PTPRZ1: variants seen among roughly 807,000 people sequenced by gnomAD.
PTPRZ1 encodes protein tyrosine phosphatase receptor type Z1.
In PTPRZ1, 82 loss-of-function variants were observed where a neutral mutation model predicts 214.1. That is an observed-to-expected ratio of 0.38 (90% CI 0.32 to 0.46). The LOEUF is 0.46. Among genes scored for constraint, PTPRZ1 ranks in the 20% least tolerant of loss-of-function variants. The pLI is 1.00. For synonymous variants in PTPRZ1, 945 were observed against 987.9 expected, an observed-to-expected ratio of 0.96 and a Z score of 0.81; for missense variants, 2,603 against 2,748.7, an observed-to-expected ratio of 0.95 and a Z score of 1.19.
chr7:121,929,463 T>C (rs908882653), intron 2 of PTPRZ1, among the ~76,000 whole-genome samples: 33 of 151,418 alleles, frequency 2.2e-4, no homozygotes, highest in African/African-American at 7.5e-4. Context: ...TTTTTATTAC[T>C]TCTGTGCTAT....
At chr7:121,929,843 T>C (rs1306487665) in intron 2 of PTPRZ1, among the ~76,000 whole-genome samples, 4 of 150,694 alleles carry the variant, frequency 2.7e-5, no homozygotes, top group African/African-American at 9.7e-5. Context: ...AATAAATAAA[T>C]AAATAAATAA....
chr7:122,011,964 A>C lies in PTPRZ1; in HGVS notation c.2918A>C (p.Lys973Thr). The stretch of plus-strand genomic sequence containing the variant: ...GGCCCTAGCCATATACCAATACCTA[A>C]GTCTTCGTTAATAACCCCAACTGCA... ...FSGPSHIPIP[K>T]SSLITPTASL... The change falls in exon 12 of 30, where the codon AAG (lysine) becomes ACG (threonine). Residue 973 changes from lysine to threonine, a missense_variant. By Grantham distance (78) the Lys-to-Thr change is moderately conservative. Coordinates refer to ENST00000393386, the MANE Select transcript of PTPRZ1 (RefSeq NM_002851.3). 2 of 1,614,152 alleles carry C rather than the reference A, an allele frequency of 1.2e-6. No individual in the cohort carries two copies. Among genetic ancestry groups the C allele is most frequent in the Non-Finnish European group, 1.7e-6 (2 of 1,179,996 alleles).
Position 122,010,742 on chromosome 7 carries a change from A to C in PTPRZ1, c.1696A>C (p.Thr566Pro). 1 of 1,613,996 alleles carries C rather than the reference A, an allele frequency of 6.2e-7. No individual in the cohort carries two copies. The highest frequency in any genetic ancestry group is 8.5e-7 in the Non-Finnish European group (1 of 1,179,976). Residue 566 changes from threonine to proline, a missense_variant, in exon 12 of 30, where the codon ACA (threonine) becomes CCA (proline). Transcript: ENST00000393386. The part of the protein sequence containing the change: ...TAESLNTVSI[T>P]EYEEESLLTS... ...AGAATCCTTAAATACAGTTTCTATA[A>C]CAGAATATGAGGAGGAGAGTTTATT...
intron 18 of PTPRZ1, 36 bp downstream of exon 18, chr7:122,036,718 A>C: frequency 7.1e-7 from 1 of 1,399,134 alleles, no homozygotes; most frequent in Non-Finnish European, 1.0e-6. Context: ...TATAGAAATC[A>C]TATTAGACTG....
Position 122,004,669 on chromosome 7 carries a change from G to A in PTPRZ1, c.1287+9G>A. The stretch of plus-strand genomic sequence containing the variant: ...CTGAAGAAATAATCAAGGTATCATA[G>A]CCATTTTTATATTCAAATGTTTTAA... On this transcript the variant is annotated intron_variant, in intron 11 of 29. Coordinates refer to ENST00000393386, the MANE Select transcript of PTPRZ1 (RefSeq NM_002851.3). The A allele has an allele frequency of 1.5e-6, 2 of 1,339,822 alleles. No individual in the cohort carries two copies. The highest frequency in any genetic ancestry group is 2.1e-6 in the Non-Finnish European group (2 of 959,888). The allele number at this position is 1,339,822 out of a possible 1,614,324, so 83.0% of individuals were successfully genotyped here.
intron 22 of PTPRZ1, among the ~76,000 whole-genome samples, chr7:122,043,451 A>G (rs1293424366): frequency 5.9e-5 from 9 of 152,202 alleles, no homozygotes; most frequent in Admixed American, 5.2e-4. Flanking sequence ...ATCCATTTTA[A>G]GCCCATATAG....
At position 122,042,761 on chromosome 7, in the gene PTPRZ1, A is replaced by G; in HGVS notation, c.5937+18A>G. On this transcript the variant is annotated intron_variant, in intron 22 of 29. Transcript: ENST00000393386. ...AAACTGAGGTATGATTTTTAAAAAG[A>G]TGATTTTATTCATCTAAGGTATGGA... The G allele has an allele frequency of 6.2e-7, 1 of 1,601,998 alleles. No homozygotes were observed. Among genetic ancestry groups the G allele is most frequent in the South Asian group, 1.1e-5 (1 of 90,654 alleles).
intron 19 of PTPRZ1, 96 bp downstream of exon 19, chr7:122,038,985 T>A (rs1799633358): frequency 7.6e-7 from 1 of 1,314,576 alleles, no homozygotes; most frequent in Non-Finnish European, 1.1e-6. Context: ...AGCCAAAGTT[T>A]TGAGAGTTAT....
rs551562354 is a variant in PTPRZ1, at chr7:121,907,983, G to C, written c.59-20173G>C. The stretch of plus-strand genomic sequence containing the variant: ...AACTGCAAAATAATAATCAAATTTA[G>C]ATATTCAGACTCTGAGTAGAGAATG... On this transcript the variant is annotated intron_variant, in intron 1 of 29. Coordinates refer to ENST00000393386, the MANE Select transcript of PTPRZ1 (RefSeq NM_002851.3). Among the ~76,000 whole-genome samples, 27 of 152,078 alleles carry C rather than the reference G, an allele frequency of 1.8e-4. 1 individual carries two copies. In the East Asian group the frequency reaches 4.1e-3, roughly 23 times the overall value.
In PTPRZ1 at chr7:122,054,925, A is replaced by G. The variant is rs1792302882; in HGVS notation, c.6382-16A>G. The G allele has an allele frequency of 1.9e-6, 3 of 1,576,636 alleles. No homozygotes were observed. The African/African-American group carries it at 4.2e-5, about 22-fold the overall frequency. On this transcript the variant is annotated splice_polypyrimidine_tract_variant and intron_variant, in intron 26 of 29. Coordinates refer to ENST00000393386, the MANE Select transcript of PTPRZ1 (RefSeq NM_002851.3). The stretch of plus-strand genomic sequence containing the variant: ...TTATTAAAATCTAGACTCTTCTTTC[A>G]TTTGCAATTCTGCAGGCAGAAGATG...
rs74481756 is a variant in PTPRZ1 at position 122,051,207 on chromosome 7, T to A, written c.6085-221T>A. ...TGCTAAAAGAATTACTAGAGATTTC[T>A]TTGCTTCTTGTAACTCCCCTGGTGT... On this transcript the variant is annotated intron_variant, in intron 23 of 29. Coordinates refer to ENST00000393386, the MANE Select transcript of PTPRZ1 (RefSeq NM_002851.3). Among the ~76,000 whole-genome samples, 162 of 152,336 alleles carry A rather than the reference T, an allele frequency of 1.1e-3. 5 individuals are homozygous for A. In the East Asian group the frequency reaches 0.03, roughly 28 times the overall value.
Position 121,873,342 on chromosome 7 carries a change from A to T in PTPRZ1, c.-158A>T. The T allele has an allele frequency of 4.6e-6, 3 of 655,600 alleles. No homozygotes were observed. The highest frequency in any genetic ancestry group is 8.1e-6 in the Non-Finnish European group (3 of 371,090). The allele number at this position is 655,600 out of a possible 1,614,324, so 40.6% of individuals were successfully genotyped here. On this transcript the variant is annotated 5_prime_UTR_variant, in exon 1 of 30. Transcript: ENST00000393386. ...CTCTCTCTCTCTCACACACACACACACACACACAAACACACATACGCACGC... is the reference window on the plus strand; with the variant it reads ...CTCTCTCTCTCTCACACACACACACTCACACACAAACACACATACGCACGC...
At chr7:121,904,889 G>A (rs1360165769) in intron 1 of PTPRZ1, among the ~76,000 whole-genome samples, 5 of 152,010 alleles carry the variant, frequency 3.3e-5, no homozygotes, top group Admixed American at 1.3e-4. Flanking sequence ...AATGATATTA[G>A]GTAATCTACA....
chr7:121,920,873 A>G, intron 1 of PTPRZ1, among the ~76,000 whole-genome samples: 1 of 152,134 alleles, frequency 6.6e-6, no homozygotes, highest in Non-Finnish European at 1.5e-5. Context: ...TATTTATTAA[A>G]TTGAGAATAT....
intron 2 of PTPRZ1, among the ~76,000 whole-genome samples, chr7:121,965,642 G>C (rs188460479): frequency 6.6e-6 from 1 of 152,268 alleles, no homozygotes; most frequent in East Asian, 1.9e-4. Flanking sequence ...AATCAAGGAA[G>C]CGACTCTCTC....
intron 1 of PTPRZ1, among the ~76,000 whole-genome samples, chr7:121,884,081 C>A (rs1384335312): frequency 1.3e-5 from 2 of 149,454 alleles, no homozygotes; most frequent in South Asian, 4.3e-4. Flanking sequence ...CATATTTTTT[C>A]CTTATGTAAT....
intron 1 of PTPRZ1, among the ~76,000 whole-genome samples, chr7:121,911,754 T>A (rs1584630003): frequency 7.3e-6 from 1 of 137,802 alleles, no homozygotes; most frequent in South Asian, 2.5e-4. Flanking sequence ...TATAAGAAAA[T>A]GCATTATATT....
chr7:122,002,738 G>A (rs962585447), intron 10 of PTPRZ1, among the ~76,000 whole-genome samples: 1 of 152,024 alleles, frequency 6.6e-6, no homozygotes, highest in Non-Finnish European at 1.5e-5. Context: ...TAAAAATTTT[G>A]AACACCTTCT....
chr7:121,908,353 C>CTCGGTGGTCGCCGTATCATTAA, intron 1 of PTPRZ1: 1 of 312,216 alleles, frequency 3.2e-6, no homozygotes. Context: ...ATGTGTAGAT[C>CTCGGTGGTCGCCGTATCATTAA]AATCCCTTTG....
Sources: gnomAD v4.1 joint callset for allele counts (sites outside exome capture counted in the v4.1 genomes callset) on GRCh38, gnomAD v4.1.1 for gene constraint, MANE v1.5 for transcripts, NCBI Gene and HGNC (gene_info 2026-07-23, HGNC 2026-07-21) for gene names.